Variants in L3MBTL4 observed in about 807,000 individuals in gnomAD.
L3MBTL4 encodes the protein lethal(3)malignant brain tumor-like protein 4.
In L3MBTL4, 70 loss-of-function variants were observed where a neutral mutation model predicts 84.5. The ratio of observed to expected loss-of-function variants is 0.83; its 90% CI spans 0.68 to 1.01. The LOEUF is 1.01. Ranked by LOEUF, L3MBTL4 falls within the 50% of genes least tolerant of loss-of-function variation. The pLI is 0.00. For synonymous variants in L3MBTL4, 274 were observed against 259.8 expected, an observed-to-expected ratio of 1.05 and a Z score of -0.52; for missense variants, 715 against 754.8, an observed-to-expected ratio of 0.95 and a Z score of 0.62.
At chr18:6,114,239 C>T (rs2059288614) in intron 14 of L3MBTL4, among the ~76,000 whole-genome samples, 1 of 152,192 alleles carries the variant, frequency 6.6e-6, no homozygotes, top group Non-Finnish European at 1.5e-5. Context: ...GGCTGGGCCT[C>T]CCCTCTGCTA....
chr18:6,074,405 A>G lies in L3MBTL4; in HGVS notation c.1444+6476T>C, dbSNP rs79659682. Among the ~76,000 whole-genome samples, 867 of 152,322 alleles carry G rather than the reference A, an allele frequency of 5.7e-3. 11 individuals carry two copies. The highest frequency in any genetic ancestry group is 0.02 in the African/African-American group (819 of 41,584). On this transcript the variant is annotated intron_variant, in intron 16 of 18. Coordinates refer to ENST00000317931, the MANE Select transcript of L3MBTL4 (RefSeq NM_001330559.2). ...TTTATCACTGGGTGACAAGCAGGCTACACAACTATATACTTGGCTGTCATG... is the reference window on the plus strand; with the variant it reads ...TTTATCACTGGGTGACAAGCAGGCTGCACAACTATATACTTGGCTGTCATG...
Position 5,969,500 on chromosome 18 carries a change from C to T in L3MBTL4, c.1507G>A (p.Ala503Thr), listed in dbSNP as rs748888746. Residue 503 changes from alanine to threonine, a missense_variant, in exon 17 of 19, where the codon GCC (alanine) becomes ACC (threonine). Ala to Thr is a moderately conservative substitution (Grantham distance 58). Transcript: ENST00000317931. ...AGGGGAAGGTCCCGAAAAGGGTGGG[C>T]TGACACCGTGGACATGGACACTGAC... is the stretch of plus-strand genomic sequence containing the variant. ...HQSVSMSTVS[A>T]HPFRDLPLGR... 5 of 1,613,816 alleles carry T rather than the reference C, an allele frequency of 3.1e-6. No homozygotes were observed. The African/African-American group carries it at 5.3e-5, about 17-fold the overall frequency.
chr18:6,325,615 G>T (rs2147103335), intron 1 of L3MBTL4, among the ~76,000 whole-genome samples: 1 of 152,240 alleles, frequency 6.6e-6, no homozygotes, highest in Non-Finnish European at 1.5e-5. Context: ...AAGATTTTTT[G>T]AAGAAGCATG....
intron 1 of L3MBTL4, among the ~76,000 whole-genome samples, chr18:6,357,059 C>G (rs556779534): frequency 6.6e-6 from 1 of 152,272 alleles, no homozygotes; most frequent in East Asian, 1.9e-4. Context: ...CAGTCCGTCA[C>G]TGATGAAAAC....
rs1188803443 is a variant in L3MBTL4 at position 6,080,901 on chromosome 18, T to C, written c.1424A>G (p.Asp475Gly). 1.2e-6 allele frequency: 2 copies of C among 1,607,584 alleles called. No individual in the cohort carries two copies. Among genetic ancestry groups the C allele is most frequent in the African/African-American group, 2.7e-5 (2 of 74,826 alleles). ...TTTACCTCTGAAGAGATTATCCAAG[T>C]CAATATCTTCTTTTCCTTTGATTTT... The part of the protein sequence containing the change: ...CLKIKGKEDI[D>G]LDNLFREYSV... The change falls in exon 16 of 19, where the codon GAC becomes GGC. Residue 475 changes from aspartate to glycine, a missense_variant. Coordinates refer to ENST00000317931, the MANE Select transcript of L3MBTL4 (RefSeq NM_001330559.2).
At chr18:6,325,257 A>G (rs2051655227) in intron 1 of L3MBTL4, among the ~76,000 whole-genome samples, 1 of 152,350 alleles carries the variant, frequency 6.6e-6, no homozygotes, top group Middle Eastern at 3.4e-3. Context: ...AGACAATATA[A>G]CATTACACAA....
chr18:6,060,330 C>T (rs1052493903), intron 16 of L3MBTL4, among the ~76,000 whole-genome samples: 14 of 151,976 alleles, frequency 9.2e-5, no homozygotes, highest in African/African-American at 2.7e-4. Context: ...AACATTAAAA[C>T]GCATTCAGGT....
At chr18:6,211,148 T>A (rs1245782497) in intron 12 of L3MBTL4, among the ~76,000 whole-genome samples, 2 of 152,190 alleles carry the variant, frequency 1.3e-5, no homozygotes, top group Non-Finnish European at 2.9e-5. Flanking sequence ...CCCAGATCAG[T>A]CTTGTCCGAG....
At position 5,958,062 on chromosome 18, in the gene L3MBTL4, G is replaced by GAGAAGAAGAAGAAGA. The variant is rs563678931; in HGVS notation, c.1678-1690_1678-1676dup. ...GGAGGAGGAGAAGGAGAAGGAGAAG[G>GAGAAGAAGAAGAAGA]AGAAGAAGAAGAAGAAGAAGAAGAA... On this transcript the variant is annotated intron_variant, in intron 18 of 18. Coordinates refer to ENST00000317931, the MANE Select transcript of L3MBTL4 (RefSeq NM_001330559.2). Among the ~76,000 whole-genome samples, 25 of 93,226 alleles carry GAGAAGAAGAAGAAGA rather than the reference G, an allele frequency of 2.7e-4. 1 individual carries two copies. The highest frequency in any genetic ancestry group is 4.6e-4 in the East Asian group (1 of 2,156). The allele number at this position is 93,226 out of a possible 152,430, so 61.2% of individuals were successfully genotyped here. A position where few individuals can be genotyped will look rare whatever the true frequency, so the allele number is the denominator to read the frequency against.
chr18:5,972,459 G>T (rs2052683471), intron 16 of L3MBTL4, among the ~76,000 whole-genome samples: 1 of 152,112 alleles, frequency 6.6e-6, no homozygotes, highest in African/African-American at 2.4e-5. Context: ...GGCAGAAGGT[G>T]CTTGGCAAGG....
chr18:6,091,597 T>C (rs2143612744), intron 15 of L3MBTL4, among the ~76,000 whole-genome samples: 1 of 152,330 alleles, frequency 6.6e-6, no homozygotes, highest in East Asian at 1.9e-4. Context: ...GCAAAGCTCC[T>C]TCATAAATAA....
intron 13 of L3MBTL4, among the ~76,000 whole-genome samples, chr18:6,152,756 T>C (rs1054095937): frequency 2.0e-5 from 3 of 152,188 alleles, no homozygotes; most frequent in African/African-American, 7.2e-5. Context: ...TAATTTGATG[T>C]AGTCTTTGTT....
chr18:6,345,225 AAAAAAAAAAAAG>A (rs1266978447), intron 1 of L3MBTL4, among the ~76,000 whole-genome samples: 21 of 133,408 alleles, frequency 1.6e-4, no homozygotes, highest in African/African-American at 6.3e-4. Context: ...CAAAAAAAAA[AAAAAAAAAAAAG>A]AAAAAAAAAA....
At chr18:6,392,760 A>G (rs67690795) in intron 1 of L3MBTL4, among the ~76,000 whole-genome samples, 22,400 of 152,202 alleles carry the variant, frequency 0.15, 1,700 homozygotes, top group Non-Finnish European at 0.15. Flanking sequence ...TCAGAAGCAA[A>G]TGCAACAAGA....
Position 5,958,160 on chromosome 18 carries a change from CAAGAA to C in L3MBTL4, c.1678-1778_1678-1774del, listed in dbSNP as rs1567912261. Among the ~76,000 whole-genome samples, 11 of 55,578 alleles carry C rather than the reference CAAGAA, an allele frequency of 2.0e-4. No individual in the cohort carries two copies. In the East Asian group the frequency reaches 5.0e-3, roughly 25 times the overall value. 36.5% of individuals were successfully genotyped at this position (55,578 alleles called of 152,430 possible). On this transcript the variant is annotated intron_variant, in intron 18 of 18. Transcript: ENST00000317931. The stretch of plus-strand genomic sequence containing the variant: ...AGAAGAAGAAGAAGAAGAAGAAGAA[CAAGAA>C]GAAGAAGAAGACGACGAAGAAGAAG...
Position 6,273,883 on chromosome 18 carries a change from C to G in L3MBTL4, c.128-9845G>C, listed in dbSNP as rs924637180. ...ACTTCGGAGTGAAGATCTGGTGACT[C>G]AACAGTTTATTCATCCAGTGCAAAG... On this transcript the variant is annotated intron_variant, in intron 4 of 18. Coordinates refer to ENST00000317931, the MANE Select transcript of L3MBTL4 (RefSeq NM_001330559.2). Among the ~76,000 whole-genome samples, 8 of 152,228 alleles carry G rather than the reference C, an allele frequency of 5.3e-5. No individual in the cohort carries two copies. In the South Asian group the frequency reaches 1.4e-3, roughly 28 times the overall value.
chr18:6,338,679 T>G (rs2052459278), intron 1 of L3MBTL4, among the ~76,000 whole-genome samples: 1 of 151,944 alleles, frequency 6.6e-6, no homozygotes, highest in Non-Finnish European at 1.5e-5. Flanking sequence ...AGTCAAATAC[T>G]CTAATTAAAA....
intron 15 of L3MBTL4, among the ~76,000 whole-genome samples, chr18:6,084,795 G>C (rs1449230755): frequency 6.6e-6 from 1 of 152,232 alleles, no homozygotes; most frequent in East Asian, 1.9e-4. Flanking sequence ...CATACAAGGT[G>C]AGAGATGGTA....
chr18:6,155,654 C>T (rs1013857991), intron 13 of L3MBTL4, among the ~76,000 whole-genome samples: 10 of 152,174 alleles, frequency 6.6e-5, no homozygotes, highest in Admixed American at 6.5e-4. Context: ...AAATGAATAC[C>T]AAAGCATAAA....
Sources: allele counts gnomAD v4.1 joint callset (sites outside exome capture counted in the v4.1 genomes callset), GRCh38; gene constraint gnomAD v4.1.1; transcripts MANE v1.5; gene names NCBI Gene and HGNC (gene_info 2026-07-23, HGNC 2026-07-21).